PTPRM: variants seen among roughly 807,000 people sequenced by gnomAD.
PTPRM encodes the protein receptor-type tyrosine-protein phosphatase mu.
A neutral mutation model predicts 186.7 loss-of-function variants in PTPRM; 47 were observed. The ratio of observed to expected loss-of-function variants is 0.25; its 90% CI spans 0.20 to 0.32. The LOEUF is 0.32. Ranked by LOEUF, PTPRM falls within the 10% of genes least tolerant of loss-of-function variation. The pLI is 1.00. For synonymous variants in PTPRM, 668 were observed against 674.9 expected (o/e 0.99, Z 0.16); for missense variants, 1,494 against 1,865.0 (o/e 0.80, Z 3.66).
chr18:8,188,535 G>A (rs113935893), intron 14 of PTPRM, among the ~76,000 whole-genome samples: 11 of 152,260 alleles, frequency 7.2e-5, no homozygotes, highest in African/African-American at 2.6e-4. Flanking sequence ...AACGCACATA[G>A]AGCTCAGGCT....
intron 32 of PTPRM, among the ~76,000 whole-genome samples, chr18:8,402,513 T>C (rs1356269499): frequency 6.6e-6 from 1 of 152,196 alleles, no homozygotes; most frequent in African/African-American, 2.4e-5. Context: ...AAAGGAAATA[T>C]GTTAAAAGGA....
At chr18:8,131,185 G>A (rs1220011627) in intron 13 of PTPRM, among the ~76,000 whole-genome samples, 4 of 152,184 alleles carry the variant, frequency 2.6e-5, no homozygotes, top group African/African-American at 9.7e-5. Flanking sequence ...TTTCTTGATA[G>A]TATGTAGGGT....
In PTPRM at chr18:7,648,920, G is replaced by A. The variant is rs143074571; in HGVS notation, c.73+81029G>A. Among the ~76,000 whole-genome samples the A allele has an allele frequency of 2.0e-5, 3 of 152,318 alleles. No individual in the cohort carries two copies. The East Asian group carries it at 5.8e-4, about 29-fold the overall frequency. ...ACAGATTTTCAGTGAAGATAAATTAGCCTTCTATTGGAAGAAGATGCCATC... is the reference window on the plus strand; with the variant it reads ...ACAGATTTTCAGTGAAGATAAATTAACCTTCTATTGGAAGAAGATGCCATC... On this transcript the variant is annotated intron_variant, in intron 1 of 32. Coordinates refer to ENST00000580170, the MANE Select transcript of PTPRM (RefSeq NM_001105244.2).
At chr18:8,248,240 T>G (rs946510185) in intron 17 of PTPRM, 64 bp downstream of exon 17, 9 of 1,381,652 alleles carry the variant, frequency 6.5e-6, no homozygotes, top group Non-Finnish European at 9.3e-6. Flanking sequence ...GTGACCACTC[T>G]GTAGGAGATT....
At chr18:7,940,734 A>AGAAAGTT (rs2052118437) in intron 5 of PTPRM, among the ~76,000 whole-genome samples, 1 of 151,872 alleles carries the variant, frequency 6.6e-6, no homozygotes, top group Non-Finnish European at 1.5e-5. Flanking sequence ...ATCTATAATC[A>AGAAAGTT]GAAAGTTTCC....
At chr18:7,651,722 C>A (rs1157009415) in intron 1 of PTPRM, among the ~76,000 whole-genome samples, 3 of 152,102 alleles carry the variant, frequency 2.0e-5, no homozygotes, top group Non-Finnish European at 4.4e-5. Context: ...AAACTGGATC[C>A]CTTCGTTACA....
At chr18:7,658,330 T>TATATATATATATATATATATATATATA (rs2038899119) in intron 1 of PTPRM, among the ~76,000 whole-genome samples, 1 of 124,440 alleles carries the variant, frequency 8.0e-6, no homozygotes, top group African/African-American at 3.1e-5. Context: ...TAAAGTAAAT[T>TATATATATATATATATATATATATATA]TATATATATA....
chr18:7,662,986 AGTGTTCT>A (rs1225454493), intron 1 of PTPRM, among the ~76,000 whole-genome samples: 2 of 152,202 alleles, frequency 1.3e-5, no homozygotes, highest in Non-Finnish European at 2.9e-5. Context: ...GGACAGAGTA[AGTGTTCT>A]GAACTTGTTT....
chr18:7,963,366 T>C (rs1277377047), intron 7 of PTPRM, among the ~76,000 whole-genome samples: 1 of 152,178 alleles, frequency 6.6e-6, no homozygotes, highest in African/African-American at 2.4e-5. Context: ...CAGAGGGGTA[T>C]AGAATAGAAC....
intron 2 of PTPRM, among the ~76,000 whole-genome samples, chr18:7,794,934 T>C (rs1172957917): frequency 6.6e-6 from 1 of 152,184 alleles, no homozygotes; most frequent in African/African-American, 2.4e-5. Context: ...CCTCCACAGA[T>C]ACCTGGCCAG....
intron 7 of PTPRM, among the ~76,000 whole-genome samples, chr18:7,984,957 T>TTATATACATATAATTA (rs1411550941): frequency 8.2e-6 from 1 of 121,578 alleles, no homozygotes; most frequent in African/African-American, 3.4e-5. Context: ...ACATATATAA[T>TTATATACATATAATTA]TATATACATA....
intron 7 of PTPRM, among the ~76,000 whole-genome samples, chr18:8,006,795 C>T (rs2084214574): frequency 6.6e-6 from 1 of 152,206 alleles, no homozygotes; most frequent in Non-Finnish European, 1.5e-5. Flanking sequence ...AAAAGATGCA[C>T]AGGCAAAGTG....
intron 1 of PTPRM, among the ~76,000 whole-genome samples, chr18:7,591,311 T>C (rs1350368902): frequency 1.3e-5 from 2 of 152,308 alleles, no homozygotes; most frequent in Middle Eastern, 6.8e-3. Context: ...GTATTAAATC[T>C]CTACAACCTT....
At chr18:7,600,715 A>G (rs532918130) in intron 1 of PTPRM, among the ~76,000 whole-genome samples, 1 of 152,268 alleles carries the variant, frequency 6.6e-6, no homozygotes, top group South Asian at 2.1e-4. Context: ...GGAGGGAGTA[A>G]CCTGCTGGTG....
intron 14 of PTPRM, among the ~76,000 whole-genome samples, chr18:8,222,152 G>A (rs1158540891): frequency 6.6e-6 from 1 of 152,166 alleles, no homozygotes; most frequent in Non-Finnish European, 1.5e-5. Flanking sequence ...GCTAAGATAA[G>A]TTGTGGTTTG....
intron 14 of PTPRM, among the ~76,000 whole-genome samples, chr18:8,172,181 G>A (rs953481822): frequency 6.6e-6 from 1 of 151,858 alleles, no homozygotes; most frequent in African/African-American, 2.4e-5. Context: ...TGGCTGGGGA[G>A]GCCTCACAAT....
chr18:7,886,434 T>C (rs1243969358), intron 2 of PTPRM, among the ~76,000 whole-genome samples: 2 of 152,266 alleles, frequency 1.3e-5, no homozygotes, highest in African/African-American at 2.4e-5. Flanking sequence ...AGGTAAGTTA[T>C]ATTTCACAGA....
chr18:7,634,501 CT>C (rs1171066079), intron 1 of PTPRM, among the ~76,000 whole-genome samples: 7 of 152,140 alleles, frequency 4.6e-5, no homozygotes, highest in African/African-American at 1.7e-4. Context: ...AAGCTCTTTC[CT>C]CATTTTTACT....
At chr18:7,933,845 C>A (rs1234682695) in intron 5 of PTPRM, among the ~76,000 whole-genome samples, 3 of 152,174 alleles carry the variant, frequency 2.0e-5, no homozygotes, top group African/African-American at 7.2e-5. Flanking sequence ...GCCTCTGCTG[C>A]TTCAGGCTAT....
Sources: gnomAD v4.1 joint callset for allele counts (sites outside exome capture counted in the v4.1 genomes callset) on GRCh38, gnomAD v4.1.1 for gene constraint, MANE v1.5 for transcripts, NCBI Gene and HGNC (gene_info 2026-07-23, HGNC 2026-07-21) for gene names.